Variants in MXD1 observed in about 807,000 individuals in gnomAD.
MXD1 encodes the protein MAX dimerization protein 1.
Under a neutral mutation model 25.7 loss-of-function variants are expected in MXD1, and 9 were observed. The observed-to-expected ratio is 0.35, with a 90% CI of 0.21 to 0.61. MXD1 has a LOEUF of 0.61. MXD1 is among the 20% of genes least tolerant of loss of function. The probability of loss-of-function intolerance (pLI) is 0.75; values close to 1 mark genes in which losing one functional copy is unlikely to be tolerated. For synonymous variants in MXD1, 99 were observed against 113.9 expected, an observed-to-expected ratio of 0.87 and a Z score of 0.83; for missense variants, 227 against 292.4, an observed-to-expected ratio of 0.78 and a Z score of 1.63.
chr2:69,921,614 C>A, intron 2 of MXD1, 122 bp from the exon 3 acceptor site: 1 of 756,948 alleles, frequency 1.3e-6, no homozygotes. Flanking sequence ...GTGAATTTTT[C>A]TGCCTTTCTA....
At chr2:69,936,463 G>A (rs1176313476) in intron 4 of MXD1, among the ~76,000 whole-genome samples, 1 of 152,170 alleles carries the variant, frequency 6.6e-6, no homozygotes, top group Non-Finnish European at 1.5e-5. Flanking sequence ...AAAGTCTTGA[G>A]AGCCACAGCC....
At position 69,915,804 on chromosome 2, in the gene MXD1, T is replaced by A. The variant is rs563733449; in HGVS notation, c.74-317T>A. On this transcript the variant is annotated intron_variant, in intron 1 of 5. Transcript: ENST00000264444. This position sits in a 1 kb window ranked among gnomAD's most constrained non-coding sequence, Gnocchi z 5.8. ...CGGCTCACGGTGCTTGCCCCGCACC[T>A]TCGCCTGAGCTGGTTCCACTTAACC... Among the ~76,000 whole-genome samples, 1 of 152,344 alleles carries A rather than the reference T, an allele frequency of 6.6e-6. No individual in the cohort carries two copies. The highest frequency in any genetic ancestry group is 2.1e-4 in the South Asian group (1 of 4,830).
rs1434233420 is a variant in MXD1 at position 69,942,296 on chromosome 2, T to C, written c.*4012T>C. The C allele has an allele frequency of 2.0e-5, 3 of 152,210 alleles. No individual in the cohort carries two copies. In the South Asian group the frequency reaches 6.2e-4, roughly 32 times the overall value. 9.4% of individuals were successfully genotyped at this position (152,210 alleles called of 1,614,324 possible). A position where few individuals can be genotyped will look rare whatever the true frequency, so the allele number is the denominator to read the frequency against. ...TACATCCTCTGATCTCTATAGACTGTAGGATGCTTTGCTTTCAAAGATAAC... is the reference window on the plus strand; with the variant it reads ...TACATCCTCTGATCTCTATAGACTGCAGGATGCTTTGCTTTCAAAGATAAC... On this transcript the variant is annotated 3_prime_UTR_variant, in exon 6 of 6. Coordinates refer to ENST00000264444, the MANE Select transcript of MXD1 (RefSeq NM_002357.4).
rs2104227408 is a variant in MXD1 at position 69,941,800 on chromosome 2, A to G, written c.*3516A>G. The G allele has an allele frequency of 6.6e-6, 1 of 152,020 alleles. No homozygotes were observed. Among genetic ancestry groups the G allele is most frequent in the African/African-American group, 2.4e-5 (1 of 41,422 alleles). 9.4% of individuals were successfully genotyped at this position (152,020 alleles called of 1,614,324 possible). On this transcript the variant is annotated 3_prime_UTR_variant, in exon 6 of 6. Transcript: ENST00000264444. ...GCTTGAGAATAGATTTTGTGGGCTT[A>G]TTTCTTCTTGCCTCTTCCCCATCCT...
chr2:69,916,297 T>C, intron 2 of MXD1, 77 bp downstream of exon 2: 1 of 872,654 alleles, frequency 1.1e-6, no homozygotes, highest in Non-Finnish European at 1.9e-6. Flanking sequence ...AAGTTTTCTG[T>C]TGTGATTATA....
At position 69,940,695 on chromosome 2, in the gene MXD1, C is replaced by T. The variant is rs947241424; in HGVS notation, c.*2411C>T. 1.8e-4 allele frequency: 27 copies of T among 152,586 alleles called. No individual in the cohort carries two copies. Among genetic ancestry groups the T allele is most frequent in the African/African-American group, 6.5e-4 (27 of 41,416 alleles). The allele number at this position is 152,586 out of a possible 1,614,324, so 9.5% of individuals were successfully genotyped here. ...AGTTTGATTGCATATAAATGTGGAA[C>T]TTGATAGATCTCTATATTTTTAATG... On this transcript the variant is annotated 3_prime_UTR_variant, in exon 6 of 6. Transcript: ENST00000264444.
At chr2:69,923,295 C>T (rs777770021) in intron 3 of MXD1, among the ~76,000 whole-genome samples, 1 of 152,190 alleles carries the variant, frequency 6.6e-6, no homozygotes, top group African/African-American at 2.4e-5. Flanking sequence ...AACCATTGAA[C>T]TAGCCTCATT....
intron 3 of MXD1, among the ~76,000 whole-genome samples, chr2:69,933,200 C>G (rs1422950407): frequency 3.7e-5 from 3 of 80,142 alleles, no homozygotes; most frequent in Non-Finnish European, 7.5e-5. Flanking sequence ...AACTCTGTCT[C>G]AAAAAAAAAA....
intron 3 of MXD1, among the ~76,000 whole-genome samples, chr2:69,926,562 AAGCAAAGTTTTGT>A (rs1461080152): frequency 6.6e-6 from 1 of 152,208 alleles, no homozygotes; most frequent in Non-Finnish European, 1.5e-5. Flanking sequence ...TTCTGTCTCT[AAGCAAAGTTTTGT>A]AGCAAAGTTT....
chr2:69,924,717 T>G (rs936824200), intron 3 of MXD1, among the ~76,000 whole-genome samples: 7 of 149,426 alleles, frequency 4.7e-5, no homozygotes, highest in Non-Finnish European at 8.9e-5. Flanking sequence ...GCCTTTTGGC[T>G]AAAATCAAGT....
chr2:69,942,377 A>C lies in MXD1; in HGVS notation c.*4093A>C, dbSNP rs1677628430. 6.6e-6 allele frequency: 1 copy of C among 152,120 alleles called. No homozygotes were observed. Among genetic ancestry groups the C allele is most frequent in the East Asian group, 1.9e-4 (1 of 5,200 alleles). 9.4% of individuals were successfully genotyped at this position (152,120 alleles called of 1,614,324 possible). ...ATTTATCATGGTTTTTTTCATTATCAATATTACATGGATGATTTTCTCAGA... is the reference window on the plus strand; with the variant it reads ...ATTTATCATGGTTTTTTTCATTATCCATATTACATGGATGATTTTCTCAGA... On this transcript the variant is annotated 3_prime_UTR_variant, in exon 6 of 6. Coordinates refer to ENST00000264444, the MANE Select transcript of MXD1 (RefSeq NM_002357.4).
intron 3 of MXD1, among the ~76,000 whole-genome samples, chr2:69,931,240 C>A (rs373391291): frequency 2.0e-5 from 3 of 152,020 alleles, no homozygotes; most frequent in African/African-American, 7.2e-5. Flanking sequence ...CTATAGTTAC[C>A]CTGTTGTGCT....
At chr2:69,935,888 G>A (rs1677422751) in intron 4 of MXD1, among the ~76,000 whole-genome samples, 1 of 152,098 alleles carries the variant, frequency 6.6e-6, no homozygotes, top group East Asian at 1.9e-4. Context: ...GTCCTTCCAA[G>A]GTGCAAATCA....
intron 3 of MXD1, among the ~76,000 whole-genome samples, 190 bp downstream of exon 3, chr2:69,921,955 C>T (rs1378198833): frequency 6.6e-6 from 1 of 152,120 alleles, no homozygotes; most frequent in African/African-American, 2.4e-5. Flanking sequence ...GTTAAAAGAC[C>T]ACACCCCTAA....
rs1677548973 is a variant in MXD1, at chr2:69,939,620, T to C, written c.*1336T>C. 1 of 152,682 alleles carries C rather than the reference T, an allele frequency of 6.5e-6. No homozygotes were observed. Among genetic ancestry groups the C allele is most frequent in the African/African-American group, 2.4e-5 (1 of 41,464 alleles). The allele number at this position is 152,682 out of a possible 1,614,324, so 9.5% of individuals were successfully genotyped here. On this transcript the variant is annotated 3_prime_UTR_variant, in exon 6 of 6. Coordinates refer to ENST00000264444, the MANE Select transcript of MXD1 (RefSeq NM_002357.4). ...ACTTTGTATGTAGGTATCTACAAAATTAGTTCATTCCCCTGAATATTTTTG... is the reference window on the plus strand; with the variant it reads ...ACTTTGTATGTAGGTATCTACAAAACTAGTTCATTCCCCTGAATATTTTTG...
At position 69,937,057 on chromosome 2, in the gene MXD1, A is replaced by G. The variant is rs75820997; in HGVS notation, c.319-178A>G. 1.1e-3 allele frequency: 905 copies of G among 818,382 alleles called. 19 individuals are homozygous for G. In the East Asian group the frequency reaches 0.02, roughly 18 times the overall value. The allele number at this position is 818,382 out of a possible 1,614,324, so 50.7% of individuals were successfully genotyped here. A position where few individuals can be genotyped will look rare whatever the true frequency, so the allele number is the denominator to read the frequency against. On this transcript the variant is annotated intron_variant, in intron 4 of 5. Coordinates refer to ENST00000264444, the MANE Select transcript of MXD1 (RefSeq NM_002357.4). ...AGCACTGGCGATGCTGAAGAGTCAG[A>G]CGAAGCCAGGAGTCACTGGCCAGTC...
rs1439184439 is a variant in MXD1 at position 69,942,631 on chromosome 2, C to T, written c.*4347C>T. The T allele has an allele frequency of 2.6e-5, 4 of 152,170 alleles. No individual in the cohort carries two copies. The highest frequency in any genetic ancestry group is 9.7e-5 in the African/African-American group (4 of 41,428). 9.4% of individuals were successfully genotyped at this position (152,170 alleles called of 1,614,324 possible). A position where few individuals can be genotyped will look rare whatever the true frequency, so the allele number is the denominator to read the frequency against. Reference sequence around the variant, plus strand: ...CCTGACAACCAAACTTGCCTTTACCCCATCCCTAGAATTGGTGCTCTTGGA... The same window carrying T: ...CCTGACAACCAAACTTGCCTTTACCTCATCCCTAGAATTGGTGCTCTTGGA... On this transcript the variant is annotated 3_prime_UTR_variant, in exon 6 of 6. Transcript: ENST00000264444.
At chr2:69,937,443 C>G in intron 5 of MXD1, 49 bp downstream of exon 5, 1 of 1,417,888 alleles carries the variant, frequency 7.1e-7, no homozygotes, top group Non-Finnish European at 9.3e-7. Flanking sequence ...TCCCCAACCC[C>G]AGAGCAGGGG....
At chr2:69,932,470 C>T (rs981847837) in intron 3 of MXD1, among the ~76,000 whole-genome samples, 5 of 152,124 alleles carry the variant, frequency 3.3e-5, no homozygotes, top group Non-Finnish European at 5.9e-5. Context: ...AGTGAGGCGC[C>T]GGAGAAGGCC....
Sources: allele counts gnomAD v4.1 joint callset (sites outside exome capture counted in the v4.1 genomes callset), GRCh38; gene constraint gnomAD v4.1.1; non-coding constraint Gnocchi (gnomAD v3.1); transcripts MANE v1.5; gene names NCBI Gene and HGNC (gene_info 2026-07-23, HGNC 2026-07-21).